ARL15: variants seen among roughly 807,000 people sequenced by gnomAD.
The protein encoded by ARL15 is ADP-ribosylation factor-like protein 15.
Under a neutral mutation model 25.2 loss-of-function variants are expected in ARL15, and 19 were observed. The ratio of observed to expected loss-of-function variants is 0.75; its 90% CI spans 0.53 to 1.10. The LOEUF (loss-of-function observed/expected upper bound fraction) is 1.10. Ranked by LOEUF, ARL15 falls within the 50% of genes least tolerant of loss-of-function variation. The pLI, the probability that ARL15 is intolerant of heterozygous loss-of-function variation, is 0.00. For missense variants in ARL15, 220 were observed against 246.0 expected, an observed-to-expected ratio of 0.89 and a Z score of 0.71; for synonymous variants, 94 against 86.8, an observed-to-expected ratio of 1.08 and a Z score of -0.46.
chr5:53,897,391 T>C (rs1744908328), intron 4 of ARL15, among the ~76,000 whole-genome samples: 1 of 152,244 alleles, frequency 6.6e-6, no homozygotes, highest in Non-Finnish European at 1.5e-5. Context: ...ATGTTTTCAA[T>C]GGTCATCCAC....
intron 3 of ARL15, among the ~76,000 whole-genome samples, chr5:54,113,713 T>A (rs1395371836): frequency 6.6e-6 from 1 of 152,164 alleles, no homozygotes; most frequent in Non-Finnish European, 1.5e-5. Context: ...AGACTTAAAC[T>A]CAAAAGGATA....
intron 4 of ARL15, among the ~76,000 whole-genome samples, chr5:54,079,854 C>T (rs539475384): frequency 3.9e-5 from 6 of 151,948 alleles, no homozygotes; most frequent in Admixed American, 3.3e-4. Flanking sequence ...CCTGTAATAC[C>T]AGCCACTCAG....
At chr5:54,200,181 T>C (rs1340083877) in intron 1 of ARL15, among the ~76,000 whole-genome samples, 1 of 150,546 alleles carries the variant, frequency 6.6e-6, no homozygotes, top group East Asian at 2.0e-4. Flanking sequence ...CACCAGGAGA[T>C]ATACATAATG....
At chr5:53,946,601 C>T (rs1388225084) in intron 4 of ARL15, among the ~76,000 whole-genome samples, 1 of 151,678 alleles carries the variant, frequency 6.6e-6, no homozygotes, top group African/African-American at 2.4e-5. Flanking sequence ...GAACATCATA[C>T]CATATTCTGT....
At chr5:54,226,312 AAGGAATG>A (rs1756517280) in intron 1 of ARL15, among the ~76,000 whole-genome samples, 2 of 152,218 alleles carry the variant, frequency 1.3e-5, no homozygotes, top group South Asian at 4.1e-4. Context: ...AGAGGAAATG[AAGGAATG>A]AGTAAGTGAA....
At chr5:54,074,685 A>G (rs879747933) in intron 4 of ARL15, among the ~76,000 whole-genome samples, 1 of 152,182 alleles carries the variant, frequency 6.6e-6, no homozygotes, top group Non-Finnish European at 1.5e-5. Context: ...TATTCAAGTC[A>G]GAGAGATTTT....
Position 53,885,782 on chromosome 5 carries a change from T to C in ARL15, c.*779A>G, listed in dbSNP as rs904197442. ...CCTATGTTACATTGCAGCTTCACTTTATGCAGGCTCATCATTCCATTAAAC... is the reference window on the plus strand; with the variant it reads ...CCTATGTTACATTGCAGCTTCACTTCATGCAGGCTCATCATTCCATTAAAC... On this transcript the variant is annotated 3_prime_UTR_variant, in exon 5 of 5. Transcript: ENST00000504924. 7 of 152,206 alleles carry C rather than the reference T, an allele frequency of 4.6e-5. No homozygotes were observed. The highest frequency in any genetic ancestry group is 1.7e-4 in the African/African-American group (7 of 41,466). 9.4% of individuals were successfully genotyped at this position (152,206 alleles called of 1,614,324 possible).
At position 53,886,274 on chromosome 5, in the gene ARL15, G is replaced by A. The variant is rs1744522784; in HGVS notation, c.*287C>T. On this transcript the variant is annotated 3_prime_UTR_variant, in exon 5 of 5. Transcript: ENST00000504924. The stretch of plus-strand genomic sequence containing the variant: ...TGAATTCCATCCGTTTCAGCACAGA[G>A]TATAGAAGAGATGCTTAGAACAACA... The A allele has an allele frequency of 3.2e-6, 1 of 309,948 alleles. No homozygotes were observed. The highest frequency in any genetic ancestry group is 2.2e-5 in the African/African-American group (1 of 46,078). 19.2% of individuals were successfully genotyped at this position (309,948 alleles called of 1,614,324 possible).
chr5:53,916,292 T>TA (rs774093108), intron 4 of ARL15, among the ~76,000 whole-genome samples: 1 of 18,550 alleles, frequency 5.4e-5, no homozygotes, highest in Non-Finnish European at 1.7e-4. Context: ...AAATGTAATA[T>TA]TAAAAAAAAA....
chr5:53,945,042 T>C (rs145347539), intron 4 of ARL15, among the ~76,000 whole-genome samples: 7 of 152,332 alleles, frequency 4.6e-5, no homozygotes, highest in Non-Finnish European at 8.8e-5. Flanking sequence ...TGCATTCTTG[T>C]AGGCAGAGGG....
intron 4 of ARL15, among the ~76,000 whole-genome samples, chr5:53,921,764 C>G (rs1745867130): frequency 6.6e-6 from 1 of 152,050 alleles, no homozygotes; most frequent in Admixed American, 6.6e-5. Flanking sequence ...AGAGAGAGAC[C>G]CTGTCTCAAA....
intron 4 of ARL15, among the ~76,000 whole-genome samples, chr5:54,091,653 A>G (rs1264938279): frequency 6.6e-6 from 1 of 152,140 alleles, no homozygotes; most frequent in African/African-American, 2.4e-5. Flanking sequence ...TGGTGTGCCC[A>G]CCTGTCAACT....
chr5:53,979,296 GC>G (rs1426796348), intron 4 of ARL15, among the ~76,000 whole-genome samples: 13 of 152,128 alleles, frequency 8.5e-5, no homozygotes, highest in African/African-American at 2.7e-4. Flanking sequence ...ACTTTGAGAG[GC>G]CAAGGTGAGT....
intron 4 of ARL15, among the ~76,000 whole-genome samples, chr5:53,907,558 C>T (rs1383286614): frequency 8.0e-6 from 1 of 125,122 alleles, no homozygotes; most frequent in African/African-American, 3.1e-5. Flanking sequence ...AGTGCAGTGG[C>T]GCAATCTCAG....
At chr5:54,120,410 TA>T (rs922152327) in intron 3 of ARL15, among the ~76,000 whole-genome samples, 9 of 152,360 alleles carry the variant, frequency 5.9e-5, no homozygotes, top group Admixed American at 1.3e-4. Flanking sequence ...AGCACTGTAC[TA>T]AAACCACAAA....
chr5:53,917,701 T>C (rs1317730429), intron 4 of ARL15, among the ~76,000 whole-genome samples: 2 of 152,182 alleles, frequency 1.3e-5, no homozygotes, highest in South Asian at 2.1e-4. Context: ...AGAAGAGCAG[T>C]TAAGATTAAC....
rs72439978 is a variant in ARL15, at chr5:54,236,407, G to GACACAC, written c.49-64485_49-64480dup. ...CCGAGTTGAACTGAAACTAAACACA[G>GACACAC]ACACACACACACACACACACACACA... On this transcript the variant is annotated intron_variant, in intron 1 of 4. Coordinates refer to ENST00000504924, the MANE Select transcript of ARL15 (RefSeq NM_019087.3). Among the ~76,000 whole-genome samples, 461 of 140,736 alleles carry GACACAC rather than the reference G, an allele frequency of 3.3e-3. 3 individuals carry two copies. The highest frequency in any genetic ancestry group is 0.027 in the Middle Eastern group (7 of 262). The allele number at this position is 140,736 out of a possible 152,430, so 92.3% of individuals were successfully genotyped here. A position where few individuals can be genotyped will look rare whatever the true frequency, so the allele number is the denominator to read the frequency against.
chr5:54,163,314 A>T (rs1754462140), intron 2 of ARL15, among the ~76,000 whole-genome samples: 1 of 107,980 alleles, frequency 9.3e-6, no homozygotes, highest in Admixed American at 8.9e-5. Flanking sequence ...ATTTTTGCTT[A>T]TAATTTTTGT....
At chr5:53,979,558 AAAC>A (rs910390021) in intron 4 of ARL15, among the ~76,000 whole-genome samples, 10 of 152,142 alleles carry the variant, frequency 6.6e-5, no homozygotes, top group East Asian at 3.9e-4. Context: ...ACCAAAACCT[AAAC>A]AACAACAACA....
Sources: allele counts gnomAD v4.1 joint callset (sites outside exome capture counted in the v4.1 genomes callset), GRCh38; gene constraint gnomAD v4.1.1; transcripts MANE v1.5; gene names NCBI Gene and HGNC (gene_info 2026-07-23, HGNC 2026-07-21).